SLC4A8: variants seen among roughly 807,000 people sequenced by gnomAD.
The protein encoded by SLC4A8 is solute carrier family 4 member 8, also known as electroneutral sodium bicarbonate exchanger 1.
In SLC4A8, 40 loss-of-function variants were observed where a neutral mutation model predicts 125.0. The observed-to-expected ratio is 0.32, with a 90% confidence interval of 0.25 to 0.42. The LOEUF is 0.42. SLC4A8 is among the 10% of genes least tolerant of loss of function. The pLI is 1.00. For missense variants in SLC4A8, 863 were observed against 1,355.1 expected, an observed-to-expected ratio of 0.64 and a Z score of 5.70; for synonymous variants, 456 against 476.0, an observed-to-expected ratio of 0.96 and a Z score of 0.55.
At chr12:51,424,063 C>A (rs10876178), upstream of SLC4A8, among the ~76,000 whole-genome samples, 79,177 of 106,364 alleles carry the variant, frequency 0.74, 29,453 homozygotes, top group Non-Finnish European at 0.81. Context: ...ACAAAAAAAA[C>A]AACAAAAAAA....
At chr12:51,440,919 C>T in intron 2 of SLC4A8, 130 bp downstream of exon 2, 1 of 939,402 alleles carries the variant, frequency 1.1e-6, no homozygotes, top group East Asian at 3.0e-5. Context: ...TTTCCTTTAG[C>T]CTCACTTTCC....
Position 51,459,957 on chromosome 12 carries a change from CT to C in SLC4A8, c.864del (p.His289IlefsTer3). 1.9e-6 allele frequency: 3 copies of C among 1,613,202 alleles called. No individual in the cohort carries two copies. Among genetic ancestry groups the C allele is most frequent in the Non-Finnish European group, 1.7e-6 (2 of 1,179,552 alleles). On this transcript the variant is annotated frameshift_variant, in exon 8 of 25. Coordinates refer to ENST00000453097, the MANE Select transcript of SLC4A8 (RefSeq NM_001039960.3). LOFTEE classifies it high-confidence loss of function. ...GTTTCTTTTGGACTTTCAGGTAGAC[CT>C]TCATTTCATGAAAAAAATTCCTACT... ...HSPVDLSKVD[L>X]HFMKKIPTGA...
chr12:51,457,649 TC>T, intron 6 of SLC4A8, 110 bp downstream of exon 6: 1 of 1,003,004 alleles, frequency 1.0e-6, no homozygotes, highest in Non-Finnish European at 1.5e-6. Context: ...TGTTTCCATG[TC>T]CACTTAGGCA....
intron 16 of SLC4A8, among the ~76,000 whole-genome samples, chr12:51,477,052 C>T (rs1042118349): frequency 6.6e-6 from 1 of 151,656 alleles, no homozygotes; most frequent in Admixed American, 6.6e-5. Flanking sequence ...GGATTGCAGG[C>T]ACTTACCATG....
chr12:51,424,030 T>A (rs755396083), upstream of SLC4A8, among the ~76,000 whole-genome samples: 4 of 88,626 alleles, frequency 4.5e-5, no homozygotes, highest in Non-Finnish European at 6.1e-5. Flanking sequence ...GAGTGAAACT[T>A]CGTCTCCAAA....
upstream of SLC4A8, among the ~76,000 whole-genome samples, chr12:51,420,888 G>C (rs543636006): frequency 1.3e-5 from 2 of 152,242 alleles, no homozygotes; most frequent in African/African-American, 4.8e-5. Flanking sequence ...TGTGTGCCCT[G>C]GGGAAGTTAC....
intron 3 of SLC4A8, 37 bp from the exon 4 acceptor site, chr12:51,452,087 G>A: frequency 6.2e-7 from 1 of 1,609,784 alleles, no homozygotes; most frequent in Non-Finnish European, 8.5e-7. Flanking sequence ...CTAAGTGTGA[G>A]GCTAGAGCAG....
intron 17 of SLC4A8, among the ~76,000 whole-genome samples, chr12:51,486,924 A>C (rs2138386557): frequency 6.6e-6 from 1 of 152,364 alleles, no homozygotes; most frequent in Middle Eastern, 3.4e-3. Context: ...CTTCTAGAAT[A>C]TGGCATTCTT....
intron 18 of SLC4A8, among the ~76,000 whole-genome samples, chr12:51,489,455 G>A (rs1240687727): frequency 6.6e-6 from 1 of 152,210 alleles, no homozygotes; most frequent in East Asian, 1.9e-4. Flanking sequence ...GTAAGACTCA[G>A]AGTCAGCTGG....
chr12:51,459,151 C>G (rs1950242037), intron 7 of SLC4A8, among the ~76,000 whole-genome samples: 1 of 152,210 alleles, frequency 6.6e-6, no homozygotes, highest in Non-Finnish European at 1.5e-5. Flanking sequence ...CCTCCAGCCT[C>G]TCCTTGCTCT....
At chr12:51,493,569 G>A in intron 19 of SLC4A8, 135 bp from the exon 20 acceptor site, 1 of 640,014 alleles carries the variant, frequency 1.6e-6, no homozygotes, top group Non-Finnish European at 2.9e-6. Flanking sequence ...CCCACAGGCA[G>A]CAGAAACTAA....
chr12:51,507,414 A>T lies in SLC4A8; in HGVS notation c.3270-12A>T, dbSNP rs549595525. 1.5e-6 allele frequency: 2 copies of T among 1,377,446 alleles called. No homozygotes were observed. The highest frequency in any genetic ancestry group is 4.4e-5 in the South Asian group (2 of 45,382). The allele number at this position is 1,377,446 out of a possible 1,614,324, so 85.3% of individuals were successfully genotyped here. ...TGTTCCCTTTTTGTCTAATTGTAACACTTTTATTCAGTCTCTTCAACTAAG... is the reference window on the plus strand; with the variant it reads ...TGTTCCCTTTTTGTCTAATTGTAACTCTTTTATTCAGTCTCTTCAACTAAG... On this transcript the variant is annotated splice_polypyrimidine_tract_variant and intron_variant, in intron 24 of 24. Coordinates refer to ENST00000453097, the MANE Select transcript of SLC4A8 (RefSeq NM_001039960.3).
chr12:51,472,176 G>T (rs1180502739), intron 14 of SLC4A8, among the ~76,000 whole-genome samples: 2 of 152,254 alleles, frequency 1.3e-5, no homozygotes, highest in East Asian at 3.9e-4. Context: ...GGACACTCTG[G>T]TCCTATAAAC....
chr12:51,447,056 GTCTA>G (rs1038724217), intron 2 of SLC4A8, among the ~76,000 whole-genome samples: 6 of 147,320 alleles, frequency 4.1e-5, no homozygotes, highest in African/African-American at 1.2e-4. Flanking sequence ...CTGTCTGTCT[GTCTA>G]TCTATCTGTC....
At chr12:51,470,869 GT>G (rs1950671953) in intron 13 of SLC4A8, among the ~76,000 whole-genome samples, 1 of 123,816 alleles carries the variant, frequency 8.1e-6, no homozygotes, top group South Asian at 2.4e-4. Context: ...GTTTTTTTTT[GT>G]TTTGTTTTGT....
chr12:51,493,485 T>C (rs1173489271), intron 19 of SLC4A8, among the ~76,000 whole-genome samples: 1 of 152,174 alleles, frequency 6.6e-6, no homozygotes, highest in Non-Finnish European at 1.5e-5. Flanking sequence ...CTAACTTACA[T>C]GTAATCATTT....
chr12:51,491,244 A>C (rs1951309719), intron 19 of SLC4A8, among the ~76,000 whole-genome samples: 1 of 152,126 alleles, frequency 6.6e-6, no homozygotes, highest in South Asian at 2.1e-4. Flanking sequence ...ATTTGGGTAT[A>C]AATTTGGGAG....
rs1405762779 is a variant in SLC4A8 at position 51,513,322 on chromosome 12, A to G, written c.*5884A>G. ...CAAGAGATGTGATCTTTCCACATAC[A>G]GCTCCTGTCCCCATCTCTTTATGTG... On this transcript the variant is annotated 3_prime_UTR_variant, in exon 25 of 25. Coordinates refer to ENST00000453097, the MANE Select transcript of SLC4A8 (RefSeq NM_001039960.3). 6.6e-6 allele frequency: 1 copy of G among 152,240 alleles called. No homozygotes were observed. Among genetic ancestry groups the G allele is most frequent in the Admixed American group, 6.5e-5 (1 of 15,288 alleles). 9.4% of individuals were successfully genotyped at this position (152,240 alleles called of 1,614,324 possible).
intron 1 of SLC4A8, among the ~76,000 whole-genome samples, chr12:51,429,701 G>A (rs764811286): frequency 1.1e-4 from 17 of 151,738 alleles, no homozygotes; most frequent in Non-Finnish European, 2.4e-4. Context: ...TAGAGACAGA[G>A]TCTCACTATG....
Sources: gnomAD v4.1 joint callset for allele counts (sites outside exome capture counted in the v4.1 genomes callset) on GRCh38, gnomAD v4.1.1 for gene constraint, MANE v1.5 for transcripts, NCBI Gene and HGNC (gene_info 2026-07-23, HGNC 2026-07-21) for gene names.